NSUN5: variants seen among roughly 807,000 people sequenced by gnomAD.
NSUN5 encodes the protein NOP2/Sun RNA methyltransferase 5.
Under a neutral mutation model 51.1 loss-of-function variants are expected in NSUN5, and 39 were observed. The ratio of observed to expected loss-of-function variants is 0.76; its 90% confidence interval spans 0.59 to 1.00. NSUN5 has a LOEUF of 1.00. NSUN5 is among the 50% of genes least tolerant of loss of function. NSUN5 has a pLI of 0.00. For missense variants in NSUN5, 526 were observed against 614.0 expected (o/e 0.86, Z 1.51); for synonymous variants, 266 against 271.5 (o/e 0.98, Z 0.20).
In NSUN5 at chr7:73,303,498, C is replaced by T; in HGVS notation, c.1318G>A (p.Glu440Lys). 1 of 1,614,180 alleles carries T rather than the reference C, an allele frequency of 6.2e-7. No homozygotes were observed. Among genetic ancestry groups the T allele is most frequent in the East Asian group, 2.2e-5 (1 of 44,860 alleles). ...SASQAKASAP[E>K]RTPSPAPKRK... ...TTTGGGGCTGGGCTGGGTGTGCGTT[C>T]TGGTGCTGATGCTTTGGCCTGTGAG... is the stretch of plus-strand genomic sequence containing the variant. Residue 440 changes from glutamate to lysine, a missense_variant, in exon 10 of 10, where the codon GAA (glutamate) becomes AAA (lysine). Glu to Lys is a moderately conservative substitution (Grantham distance 56, BLOSUM62 1). Coordinates refer to ENST00000438747, the MANE Select transcript of NSUN5 (RefSeq NM_148956.4).
intron 6 of NSUN5, 69 bp from the exon 7 acceptor site, chr7:73,304,477 A>C: frequency 4.9e-6 from 7 of 1,424,224 alleles, no homozygotes; most frequent in Non-Finnish European, 6.8e-6. Flanking sequence ...CAACCAGAAC[A>C]TGCAGGTTAA....
At position 73,305,059 on chromosome 7, in the gene NSUN5, A is replaced by G; in HGVS notation, c.539T>C (p.Leu180Pro). Residue 180 changes from leucine to proline, a missense_variant, in exon 5 of 10, where the codon CTC becomes CCC. Physicochemically the swap from Leu to Pro is moderately conservative, Grantham distance 98. Coordinates refer to ENST00000438747, the MANE Select transcript of NSUN5 (RefSeq NM_148956.4). ...DLRALKGKHF[L>P]LDPLMPELLV... Reference sequence around the variant, plus strand: ...CAGCTCCGGCATCAAGGGGTCCAGGAGAAAATGCTTCCCCTTGAGGGCTCG... The same window carrying G: ...CAGCTCCGGCATCAAGGGGTCCAGGGGAAAATGCTTCCCCTTGAGGGCTCG... The G allele has an allele frequency of 6.2e-7, 1 of 1,610,088 alleles. No homozygotes were observed. Among genetic ancestry groups the G allele is most frequent in the Non-Finnish European group, 8.5e-7 (1 of 1,177,520 alleles).
intron 6 of NSUN5, 103 bp from the exon 7 acceptor site, chr7:73,304,511 G>C (rs1304695095): frequency 4.7e-5 from 56 of 1,192,892 alleles, no homozygotes; most frequent in Non-Finnish European, 6.6e-5. Flanking sequence ...ATATTGAAAC[G>C]GCCTACGTTT....
Position 73,303,289 on chromosome 7 carries a change from C to A in NSUN5, c.*126G>T. On this transcript the variant is annotated 3_prime_UTR_variant, in exon 10 of 10. Transcript: ENST00000438747. ...ACTTTGCTCACCAGCAAGAACACAG[C>A]CCAAGGAAGGGACCCAATAACCTTT... 1 of 1,613,248 alleles carries A rather than the reference C, an allele frequency of 6.2e-7. No homozygotes were observed. Among genetic ancestry groups the A allele is most frequent in the Non-Finnish European group, 8.5e-7 (1 of 1,179,358 alleles).
At position 73,303,897 on chromosome 7, in the gene NSUN5, C is replaced by T. The variant is rs781968973; in HGVS notation, c.1074G>A (p.Thr358=). The change falls in exon 8 of 10, where the codon ACG becomes ACA. Residue 358 remains threonine, a synonymous_variant. Transcript: ENST00000438747. The part of the protein sequence containing the change: ...FPSLQRLVYS[T]CSLCQEENED... ...CATTCTCCTCCTGGCAGAGGGAGCA[C>T]GTGGAGTAGACGAGCCGCTGCAGGG... 6.2e-6 allele frequency: 10 copies of T among 1,613,596 alleles called. No individual in the cohort carries two copies. The highest frequency in any genetic ancestry group is 3.3e-5 in the South Asian group (3 of 91,074).
chr7:73,306,075 C>T (rs1804026501), intron 4 of NSUN5, among the ~76,000 whole-genome samples: 1 of 152,102 alleles, frequency 6.6e-6, no homozygotes, highest in Admixed American at 6.6e-5. Flanking sequence ...AGGGACAGCA[C>T]AGTGGAGCCA....
At chr7:73,307,863 A>G in intron 2 of NSUN5, 106 bp from the exon 3 acceptor site, 1 of 984,108 alleles carries the variant, frequency 1.0e-6, no homozygotes, top group Non-Finnish European at 1.5e-6. Context: ...GGCTAAACAG[A>G]TCACCTGACA....
intron 8 of NSUN5, 42 bp downstream of exon 8, chr7:73,303,783 AC>A (rs782076709): frequency 5.6e-6 from 9 of 1,613,436 alleles, no homozygotes; most frequent in Non-Finnish European, 7.6e-6. Context: ...AGAGCAGCTC[AC>A]CCCGTCCCCC....
Position 73,307,636 on chromosome 7 carries a change from C to G in NSUN5, c.338G>C (p.Arg113Pro), listed in dbSNP as rs368598097. The G allele has an allele frequency of 7.4e-6, 12 of 1,613,170 alleles. No individual in the cohort carries two copies. Among genetic ancestry groups the G allele is most frequent in the Non-Finnish European group, 1.0e-5 (12 of 1,179,836 alleles). ...KAELARLKVH[R>P]GVSRNEDLLE... ...CAGGTCCTCATTCCGGCTCACACCCCGATGAACCTTGAGCCGAGCCAACTC... is the reference window on the plus strand; with the variant it reads ...CAGGTCCTCATTCCGGCTCACACCCGGATGAACCTTGAGCCGAGCCAACTC... Residue 113 changes from arginine to proline, a missense_variant, in exon 3 of 10, where the codon CGG becomes CCG. Coordinates refer to ENST00000438747, the MANE Select transcript of NSUN5 (RefSeq NM_148956.4).
At position 73,303,866 on chromosome 7, in the gene NSUN5, C is replaced by T. The variant is rs782284985; in HGVS notation, c.1105G>A (p.Val369Met). Residue 369 changes from valine to methionine, a missense_variant, in exon 8 of 10, where the codon GTG (valine) becomes ATG (methionine). Transcript: ENST00000438747. ...TTCTGCTGCAGCGCATCTCGCACCA[C>T]GTCTTCATTCTCCTCCTGGCAGAGG... ...CSLCQEENED[V>M]VRDALQQNPG... 2.4e-5 allele frequency: 38 copies of T among 1,613,794 alleles called. 1 individual carries two copies. The Admixed American group carries it at 2.7e-4, about 11-fold the overall frequency.
chr7:73,303,697 T>A lies in NSUN5; in HGVS notation c.1189A>T (p.Thr397Ser). ...AGGCAGTGCTCGGCACCCGGGAACG[T>A]GCTCAGGCCTCGGTGGGGCCAGGCA... ...LPAWPHRGLS[T>S]FPGAEHCLRA... The change falls in exon 9 of 10, where the codon ACG (threonine) becomes TCG (serine). Residue 397 changes from threonine (T) to serine (S), a missense_variant. Transcript: ENST00000438747. The A allele has an allele frequency of 6.2e-7, 1 of 1,614,152 alleles. No individual in the cohort carries two copies. Among genetic ancestry groups the A allele is most frequent in the Non-Finnish European group, 8.5e-7 (1 of 1,180,026 alleles).
intron 1 of NSUN5, 49 bp from the exon 2 acceptor site, chr7:73,308,602 TC>T: frequency 6.3e-7 from 1 of 1,586,812 alleles, no homozygotes; most frequent in Non-Finnish European, 8.6e-7. Flanking sequence ...CCGGCCCTCC[TC>T]GCCGGGCCCC....
At chr7:73,305,871 T>C (rs1393697433) in intron 4 of NSUN5, among the ~76,000 whole-genome samples, 4 of 151,822 alleles carry the variant, frequency 2.6e-5, no homozygotes, top group African/African-American at 9.7e-5. Flanking sequence ...AGCAACATGG[T>C]AGAGGCAGAA....
intron 4 of NSUN5, 98 bp from the exon 5 acceptor site, chr7:73,305,195 A>C: frequency 6.9e-7 from 1 of 1,459,618 alleles, no homozygotes; most frequent in Admixed American, 2.1e-5. Flanking sequence ...ACAGCTATGG[A>C]GAAATCAACA....
Position 73,303,943 on chromosome 7 carries a change from C to T in NSUN5, c.1028G>A (p.Cys343Tyr), listed in dbSNP as rs782224363. ...ALAGFQQRAL[C>Y]HALTFPSLQR... The stretch of plus-strand genomic sequence containing the variant: ...CAGGGAAGGGAAAGTGAGTGCGTGG[C>T]ACAGGGCTCGCTGCTGGAACCCTGC... Residue 343 changes from cysteine (C) to tyrosine (Y), a missense_variant, in exon 8 of 10, where the codon TGC becomes TAC. Coordinates refer to ENST00000438747, the MANE Select transcript of NSUN5 (RefSeq NM_148956.4). 3.1e-6 allele frequency: 5 copies of T among 1,614,066 alleles called. No homozygotes were observed. The highest frequency in any genetic ancestry group is 3.3e-5 in the Admixed American group (2 of 60,020).
rs781889973 is a variant in NSUN5, at chr7:73,308,809, G to C, written c.-19C>G. 15 of 1,607,208 alleles carry C rather than the reference G, an allele frequency of 9.3e-6. No homozygotes were observed. Among genetic ancestry groups the C allele is most frequent in the Middle Eastern group, 1.8e-4 (1 of 5,554 alleles). ...GCCCCATGTTCCCGCGCGCCTTTAC[G>C]GCTCTGTGGCAAAACGCACCCGGCT... On this transcript the variant is annotated 5_prime_UTR_variant, in exon 1 of 10. Transcript: ENST00000438747.
chr7:73,304,635 G>A (rs1442572576), intron 6 of NSUN5, 112 bp downstream of exon 6: 18 of 1,018,450 alleles, frequency 1.8e-5, no homozygotes, highest in African/African-American at 3.2e-5. Flanking sequence ...ACCGTGAACT[G>A]CTTTGGTGCA....
In NSUN5 at chr7:73,308,554, C is replaced by G. The variant is rs782572253; in HGVS notation, c.94-1G>C. 2.1e-5 allele frequency: 33 copies of G among 1,597,974 alleles called. No homozygotes were observed. Among genetic ancestry groups the G allele is most frequent in the South Asian group, 3.3e-5 (3 of 90,628 alleles). ...CCAGCGCGTACAGCTGCTTCACGTT[C>G]TGTGTGGCCGAGGAAGACAAGCTGG... On this transcript the variant is annotated splice_acceptor_variant, in intron 1 of 9. Transcript: ENST00000438747. LOFTEE classifies it high-confidence loss of function.
rs1803955700 is a variant in NSUN5 at position 73,304,563 on chromosome 7, C to T, written c.756-155G>A. On this transcript the variant is annotated intron_variant, in intron 6 of 9. Transcript: ENST00000438747. The stretch of plus-strand genomic sequence containing the variant: ...GAGGTAACTGGCCTGGGGTCTCTGC[C>T]CCAAGGGCTAAGGGATCCACATCTC... The T allele has an allele frequency of 6.9e-6, 6 of 867,618 alleles. No homozygotes were observed. In the South Asian group the frequency reaches 1.0e-4, roughly 14 times the overall value. The allele number at this position is 867,618 out of a possible 1,614,324, so 53.7% of individuals were successfully genotyped here.
Sources: gnomAD v4.1 joint callset for allele counts (sites outside exome capture counted in the v4.1 genomes callset) on GRCh38, gnomAD v4.1.1 for gene constraint, MANE v1.5 for transcripts, NCBI Gene and HGNC (gene_info 2026-07-23, HGNC 2026-07-21) for gene names.